The following ERBB4 variants were observed in gnomAD, a reference collection of about 807,000 sequenced individuals.
The protein encoded by ERBB4 is erb-b2 receptor tyrosine kinase 4.
In ERBB4, 42 loss-of-function variants were observed where a neutral mutation model predicts 158.0. The observed-to-expected ratio is 0.27, with a 90% CI of 0.21 to 0.34. ERBB4 has a LOEUF of 0.34. Among genes scored for constraint, ERBB4 ranks in the 10% least tolerant of loss-of-function variants. The pLI, the probability that ERBB4 is intolerant of heterozygous loss-of-function variation, is 1.00. For missense variants in ERBB4, 1,333 were observed against 1,624.1 expected, an observed-to-expected ratio of 0.82 and a Z score of 3.08; for synonymous variants, 583 against 558.7, an observed-to-expected ratio of 1.04 and a Z score of -0.61.
intron 15 of ERBB4, among the ~76,000 whole-genome samples, chr2:211,664,738 A>C (rs2071561027): frequency 6.6e-6 from 1 of 152,202 alleles, no homozygotes; most frequent in African/African-American, 2.4e-5. Flanking sequence ...GCCCTATATC[A>C]GTCAAAGAAA....
rs71422743 is a variant in ERBB4, at chr2:211,465,884, G to A, written c.2488-34784C>T. On this transcript the variant is annotated intron_variant, in intron 20 of 27. Transcript: ENST00000342788. ...GGCAACTTCCAGATTTACCAGTGGGGATTTGCACTTTGATGAATAAGTCAC... is the reference window on the plus strand; with the variant it reads ...GGCAACTTCCAGATTTACCAGTGGGAATTTGCACTTTGATGAATAAGTCAC... Among the ~76,000 whole-genome samples the A allele has an allele frequency of 3.2e-3, 484 of 152,222 alleles. 2 individuals carry two copies. Among genetic ancestry groups the A allele is most frequent in the Non-Finnish European group, 5.1e-3 (349 of 68,012 alleles).
chr2:211,675,729 T>C (rs1178535628), intron 13 of ERBB4, among the ~76,000 whole-genome samples: 1 of 147,224 alleles, frequency 6.8e-6, no homozygotes, highest in East Asian at 1.9e-4. Context: ...GGATTTCTTC[T>C]CTTCTGGAGC....
chr2:211,800,828 A>G, intron 3 of ERBB4, among the ~76,000 whole-genome samples: 1 of 152,146 alleles, frequency 6.6e-6, no homozygotes, highest in Non-Finnish European at 1.5e-5. Context: ...AAAGCACTTC[A>G]ATTTGGTAAA....
intron 20 of ERBB4, among the ~76,000 whole-genome samples, chr2:211,547,455 G>A (rs1166986643): frequency 1.3e-5 from 2 of 151,768 alleles, no homozygotes; most frequent in Non-Finnish European, 2.9e-5. Flanking sequence ...GAAATCTGTG[G>A]GAAAAATAAA....
intron 1 of ERBB4, among the ~76,000 whole-genome samples, chr2:212,374,195 T>C (rs1007070079): frequency 6.6e-6 from 1 of 150,590 alleles, no homozygotes; most frequent in East Asian, 1.9e-4. Context: ...ATAGACATTA[T>C]TCAGTGGCTA....
chr2:212,067,261 C>T (rs1290011663), intron 2 of ERBB4, among the ~76,000 whole-genome samples: 1 of 151,870 alleles, frequency 6.6e-6, no homozygotes, highest in Non-Finnish European at 1.5e-5. Flanking sequence ...TAAACAGAGC[C>T]TATACGTGTA....
chr2:212,319,253 G>A (rs1432554019), intron 1 of ERBB4, among the ~76,000 whole-genome samples: 2 of 150,890 alleles, frequency 1.3e-5, no homozygotes, highest in South Asian at 2.1e-4. Flanking sequence ...GCCTTCAAAT[G>A]TTTGATAGTA....
intron 4 of ERBB4, among the ~76,000 whole-genome samples, chr2:211,757,562 A>G (rs2075313096): frequency 6.6e-6 from 1 of 152,206 alleles, no homozygotes; most frequent in Non-Finnish European, 1.5e-5. Flanking sequence ...TGTGATCAAG[A>G]TTAATTTCAA....
intron 2 of ERBB4, among the ~76,000 whole-genome samples, chr2:212,015,109 TATA>T (rs1559321306): frequency 2.2e-5 from 2 of 89,360 alleles, no homozygotes; most frequent in African/African-American, 4.8e-5. Context: ...TATATATATA[TATA>T]AAAATTAGCC....
chr2:211,396,927 C>T (rs1388015006), intron 25 of ERBB4, among the ~76,000 whole-genome samples: 1 of 152,158 alleles, frequency 6.6e-6, no homozygotes, highest in East Asian at 1.9e-4. Flanking sequence ...TTCTAACAGT[C>T]CACCTGGAAT....
chr2:211,537,496 G>T (rs143114931), intron 20 of ERBB4, among the ~76,000 whole-genome samples: 43 of 152,036 alleles, frequency 2.8e-4, no homozygotes, highest in African/African-American at 1.0e-3. Context: ...TAAGTCATTC[G>T]TTCTCTTAAC....
intron 2 of ERBB4, among the ~76,000 whole-genome samples, chr2:212,098,694 C>G (rs1423465153): frequency 6.6e-6 from 1 of 151,526 alleles, no homozygotes. Context: ...TATATAATAC[C>G]GTTTTATAAT....
intron 1 of ERBB4, among the ~76,000 whole-genome samples, chr2:212,251,081 T>C (rs1299907834): frequency 6.6e-6 from 1 of 151,990 alleles, no homozygotes; most frequent in Non-Finnish European, 1.5e-5. Context: ...TACAAAATTA[T>C]TTCAAATTTT....
intron 2 of ERBB4, among the ~76,000 whole-genome samples, chr2:212,030,741 A>G (rs2076884166): frequency 6.6e-6 from 1 of 152,118 alleles, no homozygotes; most frequent in Non-Finnish European, 1.5e-5. Flanking sequence ...ACCAAGTTCA[A>G]TAATTGGTTG....
intron 1 of ERBB4, among the ~76,000 whole-genome samples, chr2:212,514,732 G>A (rs1300267481): frequency 1.3e-5 from 2 of 152,160 alleles, no homozygotes; most frequent in African/African-American, 4.8e-5. Flanking sequence ...CTGAACCCGG[G>A]AGGCAGAGGT....
At chr2:211,901,011 G>A (rs2125031423) in intron 3 of ERBB4, among the ~76,000 whole-genome samples, 1 of 152,168 alleles carries the variant, frequency 6.6e-6, no homozygotes, top group East Asian at 1.9e-4. Context: ...CAGTTAAATA[G>A]CTCAGCTTGA....
intron 1 of ERBB4, among the ~76,000 whole-genome samples, chr2:212,526,787 G>A (rs1560558259): frequency 6.6e-6 from 1 of 152,010 alleles, no homozygotes; most frequent in African/African-American, 2.4e-5. Flanking sequence ...GAATACTTTA[G>A]GTAGTAAAAC....
chr2:212,306,928 C>T (rs1201969295), intron 1 of ERBB4, among the ~76,000 whole-genome samples: 1 of 151,288 alleles, frequency 6.6e-6, no homozygotes, highest in Non-Finnish European at 1.5e-5. Flanking sequence ...TTCTGGATGG[C>T]ATTTTTAATT....
chr2:212,528,377 G>A (rs1411544173), intron 1 of ERBB4, among the ~76,000 whole-genome samples: 1 of 152,138 alleles, frequency 6.6e-6, no homozygotes, highest in East Asian at 1.9e-4. Context: ...GACCAGACTA[G>A]TGCACCAGTT....
Sources: allele counts gnomAD v4.1 joint callset (sites outside exome capture counted in the v4.1 genomes callset), GRCh38; gene constraint gnomAD v4.1.1; transcripts MANE v1.5; gene names NCBI Gene and HGNC (gene_info 2026-07-23, HGNC 2026-07-21).